The following COMMD1 variants were observed in gnomAD, a reference collection of about 807,000 sequenced individuals.
The protein encoded by COMMD1 is COMM domain-containing protein 1.
Under a neutral mutation model 17.2 loss-of-function variants are expected in COMMD1, and 10 were observed. The observed-to-expected ratio is 0.58, with a 90% CI of 0.36 to 0.99. The LOEUF is 0.99. Among genes scored for constraint, COMMD1 ranks in the 50% least tolerant of loss-of-function variants. The pLI is 0.01. For synonymous variants in COMMD1, 97 were observed against 91.6 expected, an observed-to-expected ratio of 1.06 and a Z score of -0.34; for missense variants, 270 against 231.8, an observed-to-expected ratio of 1.17 and a Z score of -1.07.
intron 1 of COMMD1, among the ~76,000 whole-genome samples, chr2:61,920,235 G>C (rs1670154723): frequency 6.6e-6 from 1 of 152,066 alleles, no homozygotes; most frequent in Non-Finnish European, 1.5e-5. Context: ...TATAAGAGAT[G>C]ACCTCTAAGC....
rs1054137290 is a variant in COMMD1 at position 62,012,282 on chromosome 2, C to G, written c.462+11300C>G. 7.3e-5 allele frequency among the ~76,000 whole-genome samples: 11 copies of G among 149,846 alleles called. No individual in the cohort carries two copies. In the South Asian group the frequency reaches 1.3e-3, roughly 17 times the overall value. ...AAACACACACACATACACACACACA[C>G]ACACACACACACACACACACACACA... On this transcript the variant is annotated intron_variant, in intron 2 of 2. Transcript: ENST00000311832.
intron 2 of COMMD1, chr2:62,100,427 GT>G (rs1672144934): frequency 6.6e-6 from 1 of 152,222 alleles, no homozygotes; most frequent in Non-Finnish European, 1.5e-5. Flanking sequence ...CTGAGAACAT[GT>G]GCCCAAGGTG....
chr2:62,121,777 T>C (rs530059048), intron 2 of COMMD1, among the ~76,000 whole-genome samples: 2 of 150,356 alleles, frequency 1.3e-5, no homozygotes, highest in South Asian at 4.3e-4. Context: ...AGAAAAAACA[T>C]AGAAATTAGC....
chr2:62,085,080 G>A (rs1671621915), intron 2 of COMMD1, among the ~76,000 whole-genome samples: 1 of 152,188 alleles, frequency 6.6e-6, no homozygotes, highest in Non-Finnish European at 1.5e-5. Flanking sequence ...GTAGTTTGTG[G>A]TCTTTAAAGA....
At chr2:62,129,550 C>T (rs1672969663) in intron 2 of COMMD1, among the ~76,000 whole-genome samples, 1 of 152,124 alleles carries the variant, frequency 6.6e-6, no homozygotes, top group African/African-American at 2.4e-5. Flanking sequence ...TGTAAGAAAG[C>T]CACAGAAAGT....
At chr2:62,075,568 T>A (rs1671316454) in intron 2 of COMMD1, among the ~76,000 whole-genome samples, 1 of 152,226 alleles carries the variant, frequency 6.6e-6, no homozygotes, top group East Asian at 1.9e-4. Context: ...TTGTAACTCC[T>A]CTTTTGTAGT....
chr2:61,940,573 G>C (rs747391750), intron 1 of COMMD1, among the ~76,000 whole-genome samples: 23 of 152,088 alleles, frequency 1.5e-4, no homozygotes, highest in Non-Finnish European at 2.6e-4. Flanking sequence ...CCTCAGCATT[G>C]CCCCAGAAAA....
At chr2:61,975,054 T>C (rs1385559103) in intron 1 of COMMD1, among the ~76,000 whole-genome samples, 3 of 151,992 alleles carry the variant, frequency 2.0e-5, no homozygotes, top group Admixed American at 2.0e-4. Flanking sequence ...ATGGCTTCTT[T>C]CACTGAATTA....
At chr2:62,086,734 A>G (rs943833556) in intron 2 of COMMD1, among the ~76,000 whole-genome samples, 7 of 152,214 alleles carry the variant, frequency 4.6e-5, no homozygotes, top group African/African-American at 1.4e-4. Context: ...AGAACTAGAC[A>G]GTGAACCTAG....
At chr2:62,014,775 C>T (rs1018901029) in intron 2 of COMMD1, among the ~76,000 whole-genome samples, 8 of 151,446 alleles carry the variant, frequency 5.3e-5, no homozygotes, top group African/African-American at 1.7e-4. Flanking sequence ...TTGGCTTGGC[C>T]AGTATGGTCT....
intron 2 of COMMD1, among the ~76,000 whole-genome samples, chr2:62,107,841 G>A (rs1415000087): frequency 1.3e-5 from 2 of 152,102 alleles, no homozygotes; most frequent in South Asian, 4.1e-4. Flanking sequence ...CCCTTGACAA[G>A]ATATGAAATG....
intron 1 of COMMD1, among the ~76,000 whole-genome samples, chr2:61,900,387 G>T (rs1466681477): frequency 6.6e-6 from 1 of 152,240 alleles, no homozygotes; most frequent in East Asian, 1.9e-4. Flanking sequence ...AGAAAGAAAT[G>T]TTGAAGATAA....
chr2:61,978,348 G>A (rs1480320933), intron 1 of COMMD1, among the ~76,000 whole-genome samples: 1 of 151,788 alleles, frequency 6.6e-6, no homozygotes, highest in African/African-American at 2.4e-5. Flanking sequence ...CAAGCAGCAA[G>A]AATAAATTAA....
At chr2:62,131,700 G>A (rs2104102432) in intron 2 of COMMD1, among the ~76,000 whole-genome samples, 1 of 151,868 alleles carries the variant, frequency 6.6e-6, no homozygotes, top group South Asian at 2.1e-4. Flanking sequence ...ATGCCACCAT[G>A]CCCAGCTTAT....
intron 2 of COMMD1, among the ~76,000 whole-genome samples, chr2:62,066,512 G>A (rs1221231420): frequency 1.4e-5 from 2 of 141,984 alleles, no homozygotes; most frequent in Non-Finnish European, 3.0e-5. Flanking sequence ...CTCGGCTCAC[G>A]GCAAGCTCTG....
intron 2 of COMMD1, among the ~76,000 whole-genome samples, chr2:62,126,488 C>T (rs1243887233): frequency 1.3e-5 from 2 of 152,168 alleles, no homozygotes; most frequent in Non-Finnish European, 2.9e-5. Context: ...GATGTTATCT[C>T]ATTGTGGTTT....
intron 1 of COMMD1, among the ~76,000 whole-genome samples, chr2:61,899,503 A>G (rs1489690814): frequency 6.6e-6 from 1 of 152,180 alleles, no homozygotes; most frequent in African/African-American, 2.4e-5. Flanking sequence ...ATAAACTTAT[A>G]TTAAATAAGT....
In COMMD1 at chr2:62,083,580, T is replaced by C. The variant is rs971330345; in HGVS notation, c.463-52251T>C. ...CGAAGTGTCTAAGTCAGTGTTCTTATAGAATGCCTTACTTCCTACTTATTC... is the reference window on the plus strand; with the variant it reads ...CGAAGTGTCTAAGTCAGTGTTCTTACAGAATGCCTTACTTCCTACTTATTC... On this transcript the variant is annotated intron_variant, in intron 2 of 2. Coordinates refer to ENST00000311832, the MANE Select transcript of COMMD1 (RefSeq NM_152516.4). Among the ~76,000 whole-genome samples, 123 of 152,378 alleles carry C rather than the reference T, an allele frequency of 8.1e-4. 2 individuals carry two copies. The highest frequency in any genetic ancestry group is 2.6e-3 in the African/African-American group (109 of 41,600).
intron 2 of COMMD1, among the ~76,000 whole-genome samples, chr2:62,038,235 C>T (rs559614869): frequency 6.6e-6 from 1 of 152,252 alleles, no homozygotes; most frequent in South Asian, 2.1e-4. Flanking sequence ...TTGCAGTCAG[C>T]CGAGATGGCG....
Sources: allele counts gnomAD v4.1 joint callset (sites outside exome capture counted in the v4.1 genomes callset), GRCh38; gene constraint gnomAD v4.1.1; transcripts MANE v1.5; gene names NCBI Gene and HGNC (gene_info 2026-07-23, HGNC 2026-07-21).